Variants in RSRC1 observed in about 807,000 individuals in gnomAD.
RSRC1 encodes serine/Arginine-related protein 53.
A neutral mutation model predicts 49.1 loss-of-function variants in RSRC1; 39 were observed. That is an observed-to-expected ratio of 0.79 (90% CI 0.61 to 1.04). The LOEUF is 1.04. RSRC1 is among the 50% of genes least tolerant of loss of function. The pLI is 0.00. For missense variants in RSRC1, 388 were observed against 402.4 expected, an observed-to-expected ratio of 0.96 and a Z score of 0.31; for synonymous variants, 143 against 130.8, an observed-to-expected ratio of 1.09 and a Z score of -0.63.
chr3:158,290,605 G>C (rs1231881357), intron 4 of RSRC1, among the ~76,000 whole-genome samples: 1 of 152,020 alleles, frequency 6.6e-6, no homozygotes, highest in Non-Finnish European at 1.5e-5. Context: ...TTTATATTTT[G>C]CCAAACTTTT....
At chr3:158,239,147 A>G (rs1723417910) in intron 4 of RSRC1, among the ~76,000 whole-genome samples, 2 of 152,236 alleles carry the variant, frequency 1.3e-5, no homozygotes, top group Admixed American at 1.3e-4. Flanking sequence ...AATGCAAATC[A>G]AAACCGCAAT....
At chr3:158,239,127 T>C (rs562916193) in intron 4 of RSRC1, among the ~76,000 whole-genome samples, 3 of 152,158 alleles carry the variant, frequency 2.0e-5, no homozygotes, top group Non-Finnish European at 2.9e-5. Flanking sequence ...TCATCACTGG[T>C]CATCAGAGAA....
At chr3:158,459,441 G>A (rs1166039932) in intron 6 of RSRC1, among the ~76,000 whole-genome samples, 3 of 152,064 alleles carry the variant, frequency 2.0e-5, no homozygotes, top group African/African-American at 7.2e-5. Flanking sequence ...TTAAATTTCA[G>A]TCTAATGAGC....
At chr3:158,542,389 A>AG (rs1713082172) in intron 8 of RSRC1, among the ~76,000 whole-genome samples, 1 of 152,084 alleles carries the variant, frequency 6.6e-6, no homozygotes, top group Non-Finnish European at 1.5e-5. Flanking sequence ...AAATTAGCCG[A>AG]GTGTGCATGG....
Position 158,254,190 on chromosome 3 carries a change from C to T in RSRC1, c.495-43849C>T, listed in dbSNP as rs190629372. On this transcript the variant is annotated intron_variant, in intron 4 of 9. Transcript: ENST00000611884. ...TTGATGGACATTTGGGTTGGTTCCA[C>T]GTCTTTGCTATTGTGAATAGTGCCA... Among the ~76,000 whole-genome samples, 110 of 152,230 alleles carry T rather than the reference C, an allele frequency of 7.2e-4. 1 individual carries two copies. The highest frequency in any genetic ancestry group is 1.2e-3 in the Non-Finnish European group (82 of 68,002).
intron 6 of RSRC1, among the ~76,000 whole-genome samples, chr3:158,372,363 G>A (rs932612443): frequency 6.6e-6 from 1 of 151,762 alleles, no homozygotes; most frequent in Non-Finnish European, 1.5e-5. Context: ...TCTTTGCTTT[G>A]CACATGGATA....
chr3:158,517,320 C>G (rs1740622475), intron 7 of RSRC1, among the ~76,000 whole-genome samples: 1 of 152,024 alleles, frequency 6.6e-6, no homozygotes, highest in African/African-American at 2.4e-5. Context: ...TTGTCTCTTT[C>G]CACTTGTTAT....
At chr3:158,477,164 T>A (rs1300714301) in intron 7 of RSRC1, among the ~76,000 whole-genome samples, 2 of 152,180 alleles carry the variant, frequency 1.3e-5, no homozygotes, top group South Asian at 4.1e-4. Flanking sequence ...TGAGATGGAA[T>A]CTACTCCTGG....
chr3:158,250,553 T>C (rs902205150), intron 4 of RSRC1, among the ~76,000 whole-genome samples: 1 of 152,206 alleles, frequency 6.6e-6, no homozygotes, highest in Non-Finnish European at 1.5e-5. Context: ...GATTTGCTTC[T>C]CTCTGATGAT....
At chr3:158,155,860 T>C (rs1320286499) in intron 3 of RSRC1, among the ~76,000 whole-genome samples, 2 of 152,220 alleles carry the variant, frequency 1.3e-5, no homozygotes, top group African/African-American at 4.8e-5. Context: ...GTTTTATTTA[T>C]AGAGCACAGG....
intron 5 of RSRC1, among the ~76,000 whole-genome samples, chr3:158,321,306 CTCTTCTTCCTCT>C (rs1430616946): frequency 4.0e-5 from 6 of 149,928 alleles, no homozygotes; most frequent in African/African-American, 1.5e-4. Context: ...CCTCTTCTTC[CTCTTCTTCCTCT>C]TCTTCTTCTT....
At chr3:158,270,456 T>C (rs1182704213) in intron 4 of RSRC1, among the ~76,000 whole-genome samples, 1 of 152,168 alleles carries the variant, frequency 6.6e-6, no homozygotes, top group Non-Finnish European at 1.5e-5. Context: ...TAGCTTTGTG[T>C]TTGTAGGGTT....
intron 7 of RSRC1, among the ~76,000 whole-genome samples, chr3:158,523,297 A>G (rs1433947264): frequency 6.6e-6 from 1 of 152,052 alleles, no homozygotes; most frequent in East Asian, 1.9e-4. Context: ...TCTACTCAGA[A>G]TCAGTTTTAC....
At chr3:158,387,988 G>A (rs1268320753) in intron 6 of RSRC1, among the ~76,000 whole-genome samples, 1 of 152,026 alleles carries the variant, frequency 6.6e-6, no homozygotes, top group Admixed American at 6.5e-5. Flanking sequence ...TTTTTGGCAG[G>A]CTAAGAAAGT....
chr3:158,515,572 G>A (rs1188923874), intron 7 of RSRC1, among the ~76,000 whole-genome samples: 1 of 133,710 alleles, frequency 7.5e-6, no homozygotes, highest in Non-Finnish European at 1.6e-5. Context: ...TGACAATTAT[G>A]TGTCTTGGAG....
intron 6 of RSRC1, among the ~76,000 whole-genome samples, chr3:158,390,725 A>G (rs1161631847): frequency 6.6e-6 from 1 of 152,176 alleles, no homozygotes; most frequent in East Asian, 1.9e-4. Context: ...TTAGTGATTC[A>G]TCAAAGAAAA....
chr3:158,338,579 G>A (rs745343444), intron 5 of RSRC1, among the ~76,000 whole-genome samples: 2 of 152,216 alleles, frequency 1.3e-5, no homozygotes, highest in Non-Finnish European at 2.9e-5. Context: ...TTGTGCATCT[G>A]AGAAAGCATG....
chr3:158,372,762 G>A (rs1732151602), intron 6 of RSRC1, among the ~76,000 whole-genome samples: 1 of 151,866 alleles, frequency 6.6e-6, no homozygotes, highest in African/African-American at 2.4e-5. Context: ...GATTAGAGTT[G>A]TATCAACTTC....
intron 5 of RSRC1, among the ~76,000 whole-genome samples, chr3:158,310,396 C>T (rs1401603244): frequency 6.6e-6 from 1 of 151,716 alleles, no homozygotes. Flanking sequence ...AATCATCAAA[C>T]TTTAATCACA....
Sources: gnomAD v4.1 joint callset for allele counts (sites outside exome capture counted in the v4.1 genomes callset) on GRCh38, gnomAD v4.1.1 for gene constraint, MANE v1.5 for transcripts, NCBI Gene and HGNC (gene_info 2026-07-23, HGNC 2026-07-21) for gene names.